RAPGEF2: variants seen among roughly 807,000 people sequenced by gnomAD.
RAPGEF2 encodes the protein PDZ domain containing guanine nucleotide exchange factor (GEF) 1.
Under a neutral mutation model 186.7 loss-of-function variants are expected in RAPGEF2, and 54 were observed. The ratio of observed to expected loss-of-function variants is 0.29; its 90% CI spans 0.23 to 0.36. The LOEUF is 0.36. Among genes scored for constraint, RAPGEF2 ranks in the 10% least tolerant of loss-of-function variants. The pLI, the probability that RAPGEF2 is intolerant of heterozygous loss-of-function variation, is 1.00. For synonymous variants in RAPGEF2, 712 were observed against 705.9 expected (o/e 1.01, Z -0.14); for missense variants, 1,532 against 2,045.0 (o/e 0.75, Z 4.84).
intron 1 of RAPGEF2, among the ~76,000 whole-genome samples, chr4:159,111,086 T>G (rs1738442083): frequency 6.6e-6 from 1 of 151,876 alleles, no homozygotes; most frequent in Admixed American, 6.6e-5. Context: ...TTAAGAAGCG[T>G]GTGTTTCTTG....
At chr4:159,143,283 C>T (rs546950617) in intron 1 of RAPGEF2, among the ~76,000 whole-genome samples, 53 of 151,952 alleles carry the variant, frequency 3.5e-4, no homozygotes, top group Middle Eastern at 3.4e-3. Context: ...ACCAAAAAAA[C>T]GAAAAAAACT....
At chr4:159,325,046 G>T (rs535940721) in intron 11 of RAPGEF2, among the ~76,000 whole-genome samples, 1 of 152,102 alleles carries the variant, frequency 6.6e-6, no homozygotes, top group South Asian at 2.1e-4. Context: ...ATGTAAAATG[G>T]TATCACTCAT....
At chr4:159,327,002 A>G (rs185450119) in intron 11 of RAPGEF2, 15 of 152,348 alleles carry the variant, frequency 9.8e-5, no homozygotes, top group African/African-American at 3.6e-4. Flanking sequence ...CACCTGTTAA[A>G]GCAAATCTAT....
chr4:159,322,625 CTGTTA>C (rs1212357308), intron 10 of RAPGEF2, 142 bp downstream of exon 10: 1 of 651,656 alleles, frequency 1.5e-6, no homozygotes, highest in African/African-American at 1.8e-5. Context: ...TATGGTACAC[CTGTTA>C]TGTCACTGTA....
rs2111263966 is a variant in RAPGEF2 at position 159,341,758 on chromosome 4, G to A, written c.2729G>A (p.Arg910Lys). 3 of 1,613,870 alleles carry A rather than the reference G, an allele frequency of 1.9e-6. No homozygotes were observed. In the East Asian group the frequency reaches 6.7e-5, roughly 36 times the overall value. ...TATATAGATGATTTATTTAAACTCAGATCAAAAACCAGCTGTGCCAACCTG... is the reference window on the plus strand; with the variant it reads ...TATATAGATGATTTATTTAAACTCAAATCAAAAACCAGCTGTGCCAACCTG... ...TEYIDDLFKL[R>K]SKTSCANLKR... Residue 910 changes from arginine to lysine, a missense_variant, in exon 20 of 30, where the codon AGA (arginine) becomes AAA (lysine). Arg to Lys is a conservative substitution (Grantham distance 26). Coordinates refer to ENST00000691494, the MANE Select transcript of RAPGEF2 (RefSeq NM_001394067.2).
At chr4:159,325,899 AG>A (rs1439663841) in intron 11 of RAPGEF2, among the ~76,000 whole-genome samples, 2 of 152,154 alleles carry the variant, frequency 1.3e-5, no homozygotes, top group Non-Finnish European at 2.9e-5. Flanking sequence ...GATAGTCAAC[AG>A]GGAAGAGTCC....
chr4:159,325,857 A>G (rs1330810099), intron 11 of RAPGEF2, among the ~76,000 whole-genome samples: 2 of 152,186 alleles, frequency 1.3e-5, no homozygotes, highest in Non-Finnish European at 1.5e-5. Context: ...AATCTAATTT[A>G]TTTACAAAGT....
In RAPGEF2 at chr4:159,238,019, TA is replaced by T. The variant is rs111836930; in HGVS notation, c.282-777del. Among the ~76,000 whole-genome samples the T allele has an allele frequency of 5.1e-3, 737 of 145,024 alleles. 1 individual carries two copies. Among genetic ancestry groups the T allele is most frequent in the African/African-American group, 0.013 (514 of 39,814 alleles). ...GGTGACAGAGTGAGACCTTGTCTCTTAAAAAAAAAAAAATTAACTGGAAGGA... is the reference window on the plus strand; with the variant it reads ...GGTGACAGAGTGAGACCTTGTCTCTTAAAAAAAAAAAATTAACTGGAAGGA... On this transcript the variant is annotated intron_variant, in intron 4 of 29. Coordinates refer to ENST00000691494, the MANE Select transcript of RAPGEF2 (RefSeq NM_001394067.2).
chr4:159,228,431 A>G (rs149239605), intron 4 of RAPGEF2: 4 of 152,298 alleles, frequency 2.6e-5, no homozygotes, highest in Non-Finnish European at 4.4e-5. Flanking sequence ...TTAAATAGAC[A>G]ACAAACTACT....
In RAPGEF2 at chr4:159,240,598, G is replaced by A. The variant is rs549153670; in HGVS notation, c.358-603G>A. Among the ~76,000 whole-genome samples, 8 of 152,036 alleles carry A rather than the reference G, an allele frequency of 5.3e-5. 1 individual carries two copies. The South Asian group carries it at 1.7e-3, about 32-fold the overall frequency. On this transcript the variant is annotated intron_variant, in intron 5 of 29. Coordinates refer to ENST00000691494, the MANE Select transcript of RAPGEF2 (RefSeq NM_001394067.2). ...TCCACCCGCCTCGGCCTCCCAAAGTGCTGGGATTACAGGCGTGAGCAACTG... is the reference window on the plus strand; with the variant it reads ...TCCACCCGCCTCGGCCTCCCAAAGTACTGGGATTACAGGCGTGAGCAACTG...
intron 1 of RAPGEF2, among the ~76,000 whole-genome samples, chr4:159,144,705 C>G (rs1221005989): frequency 6.6e-6 from 1 of 152,026 alleles, no homozygotes; most frequent in East Asian, 1.9e-4. Context: ...TGGATTTTTT[C>G]CAGAAATTAT....
chr4:159,257,557 C>T (rs187722316), intron 7 of RAPGEF2, among the ~76,000 whole-genome samples: 2 of 152,238 alleles, frequency 1.3e-5, no homozygotes, highest in African/African-American at 4.8e-5. Context: ...GATGCAGAGC[C>T]AAATCATATC....
At chr4:159,279,758 A>C (rs1357461180) in intron 7 of RAPGEF2, among the ~76,000 whole-genome samples, 2 of 151,850 alleles carry the variant, frequency 1.3e-5, no homozygotes, top group Non-Finnish European at 2.9e-5. Flanking sequence ...AGCTCACTGC[A>C]ACCTCCACCT....
intron 20 of RAPGEF2, 90 bp downstream of exon 20, chr4:159,342,037 T>TGC: frequency 7.9e-7 from 1 of 1,262,358 alleles, no homozygotes; most frequent in Non-Finnish European, 1.1e-6. Context: ...TTAGTATAAA[T>TGC]GCTATAGGTT....
chr4:159,114,041 C>T (rs559550680), intron 1 of RAPGEF2, among the ~76,000 whole-genome samples: 15 of 151,974 alleles, frequency 9.9e-5, no homozygotes, highest in African/African-American at 2.2e-4. Context: ...ACTGCAGCCT[C>T]GTCCTGGGCT....
At chr4:159,341,013 G>GTTA (rs1449956125) in intron 19 of RAPGEF2, among the ~76,000 whole-genome samples, 1 of 152,168 alleles carries the variant, frequency 6.6e-6, no homozygotes, top group East Asian at 1.9e-4. Context: ...ATTTTTTAAA[G>GTTA]TTAACCTGTT....
intron 1 of RAPGEF2, among the ~76,000 whole-genome samples, chr4:159,124,331 G>C (rs1740045933): frequency 6.6e-6 from 1 of 151,610 alleles, no homozygotes; most frequent in Admixed American, 6.6e-5. Context: ...CCTGAGGTCA[G>C]GAGTTCAGGA....
rs566055491 is a variant in RAPGEF2, at chr4:159,141,383, G to GTAGTCCCCTGGATACCTCAT, written c.69+37154_69+37155insGTCCCCTGGATACCTCATTA. Among the ~76,000 whole-genome samples the GTAGTCCCCTGGATACCTCAT allele has an allele frequency of 5.7e-4, 87 of 152,250 alleles. No homozygotes were observed. The South Asian group carries it at 0.011, about 18-fold the overall frequency. ...CAGCCTCATTCTGTCCAGCAGCACA[G>GTAGTCCCCTGGATACCTCAT]TATTCCCCTGGATACCTCATTATTT... On this transcript the variant is annotated intron_variant, in intron 1 of 29. Transcript: ENST00000691494.
chr4:159,184,371 G>T (rs1579399952), intron 1 of RAPGEF2, among the ~76,000 whole-genome samples: 1 of 152,282 alleles, frequency 6.6e-6, no homozygotes, highest in East Asian at 1.9e-4. Context: ...GTGTAAAAGT[G>T]TTCCTGTTTC....
Sources: gnomAD v4.1 joint callset for allele counts (sites outside exome capture counted in the v4.1 genomes callset) on GRCh38, gnomAD v4.1.1 for gene constraint, MANE v1.5 for transcripts, NCBI Gene and HGNC (gene_info 2026-07-23, HGNC 2026-07-21) for gene names.